The following PARD3B variants were observed in gnomAD, a reference collection of about 807,000 sequenced individuals.
The protein encoded by PARD3B is partitioning defective 3 homolog B.
In PARD3B, 103 loss-of-function variants were observed where a neutral mutation model predicts 130.2. That is an observed-to-expected ratio of 0.79 (90% confidence interval 0.67 to 0.93). The LOEUF is 0.93. Ranked by LOEUF, PARD3B falls within the 40% of genes least tolerant of loss-of-function variation. PARD3B has a pLI of 0.00. For missense variants in PARD3B, 1,609 were observed against 1,499.2 expected (o/e 1.07, Z -1.21); for synonymous variants, 583 against 553.2 (o/e 1.05, Z -0.76).
rs889365552 is a variant in PARD3B, at chr2:205,440,697, T to C, written c.3044+25T>C. ...GGTAATAAACTTAGTGAAAGATAAA[T>C]GTAGCTTTAATTCAGTATGTTTCAA... On this transcript the variant is annotated intron_variant, in intron 20 of 22. Coordinates refer to ENST00000406610, the MANE Select transcript of PARD3B (RefSeq NM_001302769.2). The surrounding 1 kb of genome is among the most constrained non-coding windows in gnomAD (Gnocchi z 4.2). 1.3e-6 allele frequency: 2 copies of C among 1,585,228 alleles called. No homozygotes were observed. Among genetic ancestry groups the C allele is most frequent in the Non-Finnish European group, 1.7e-6 (2 of 1,155,240 alleles).
chr2:204,954,868 A>G (rs186284543), intron 2 of PARD3B, among the ~76,000 whole-genome samples: 6 of 152,324 alleles, frequency 3.9e-5, no homozygotes, highest in Admixed American at 3.3e-4. Context: ...CTATCAACCT[A>G]TCAGTTCTTT....
chr2:205,570,386 C>A (rs1442712428), intron 22 of PARD3B, among the ~76,000 whole-genome samples: 2 of 152,162 alleles, frequency 1.3e-5, no homozygotes, highest in Non-Finnish European at 2.9e-5. Context: ...ATTTTCTTCA[C>A]AGAATAGCAA....
chr2:205,478,194 T>C (rs957181897), intron 20 of PARD3B, among the ~76,000 whole-genome samples: 1 of 152,206 alleles, frequency 6.6e-6, no homozygotes, highest in Non-Finnish European at 1.5e-5. Context: ...GAGTAAAGCC[T>C]TGAAGTAAAC....
At chr2:205,340,240 T>TA (rs1209674994) in intron 18 of PARD3B, among the ~76,000 whole-genome samples, 2 of 151,880 alleles carry the variant, frequency 1.3e-5, no homozygotes, top group Non-Finnish European at 2.9e-5. Flanking sequence ...AAGGTATAAA[T>TA]GAAATAGAAA....
At chr2:204,835,148 C>T (rs6435255) in intron 2 of PARD3B, among the ~76,000 whole-genome samples, 28,251 of 152,142 alleles carry the variant, frequency 0.19, 4,472 homozygotes, top group African/African-American at 0.43. Flanking sequence ...ATGTATATAT[C>T]TGTCTCTAAG....
At chr2:205,063,926 A>T (rs1700204751) in intron 4 of PARD3B, among the ~76,000 whole-genome samples, 1 of 137,406 alleles carries the variant, frequency 7.3e-6, no homozygotes, top group African/African-American at 2.7e-5. Context: ...AGATGCTTGG[A>T]AATAAAAAAA....
At chr2:204,741,362 T>A (rs1292401880) in intron 2 of PARD3B, among the ~76,000 whole-genome samples, 1 of 152,180 alleles carries the variant, frequency 6.6e-6, no homozygotes, top group Non-Finnish European at 1.5e-5. Flanking sequence ...TCTTTGTTTT[T>A]TTCTATGATA....
At chr2:204,774,163 C>T (rs528671007) in intron 2 of PARD3B, among the ~76,000 whole-genome samples, 105 of 152,004 alleles carry the variant, frequency 6.9e-4, no homozygotes, top group African/African-American at 2.4e-3. Flanking sequence ...CCCTCAATGA[C>T]CCTGTCTCAA....
chr2:204,741,911 T>G (rs2125365006), intron 2 of PARD3B, among the ~76,000 whole-genome samples: 1 of 152,204 alleles, frequency 6.6e-6, no homozygotes, highest in Non-Finnish European at 1.5e-5. Flanking sequence ...TAGGATTAAG[T>G]GATGCTGACA....
intron 16 of PARD3B, among the ~76,000 whole-genome samples, chr2:205,278,346 G>T (rs79752860): frequency 2.6e-5 from 4 of 152,162 alleles, no homozygotes; most frequent in African/African-American, 9.7e-5. Context: ...GATGATTTCA[G>T]TGAATAGATT....
At chr2:204,753,823 A>G (rs1448937398) in intron 2 of PARD3B, among the ~76,000 whole-genome samples, 2 of 152,082 alleles carry the variant, frequency 1.3e-5, no homozygotes, top group African/African-American at 4.8e-5. Context: ...GAGGCTGAAG[A>G]AGGAGGATTG....
chr2:205,160,266 G>A lies in PARD3B; in HGVS notation c.1620+1359G>A, dbSNP rs955151517. On this transcript the variant is annotated intron_variant, in intron 11 of 22. Transcript: ENST00000406610. The surrounding 1 kb of genome is among the most constrained non-coding windows in gnomAD (Gnocchi z 4.0). ...TTTTCTCATAGCTCTGTGTGGGGGA[G>A]CTGGGGTTTGGGTAGGATTCTGATT... Among the ~76,000 whole-genome samples the A allele has an allele frequency of 6.6e-6, 1 of 152,196 alleles. No individual in the cohort carries two copies. Among genetic ancestry groups the A allele is most frequent in the African/African-American group, 2.4e-5 (1 of 41,438 alleles).
At chr2:205,022,862 A>G (rs1382971984) in intron 3 of PARD3B, among the ~76,000 whole-genome samples, 2 of 152,200 alleles carry the variant, frequency 1.3e-5, no homozygotes, top group African/African-American at 2.4e-5. Flanking sequence ...CATGCAAGGC[A>G]TCCTTCTACA....
intron 3 of PARD3B, among the ~76,000 whole-genome samples, chr2:205,013,062 T>C (rs1457043752): frequency 6.6e-6 from 1 of 152,250 alleles, no homozygotes; most frequent in African/African-American, 2.4e-5. Flanking sequence ...TGACTTTGAC[T>C]TGCTCACACG....
intron 18 of PARD3B, among the ~76,000 whole-genome samples, chr2:205,327,884 A>G (rs182633022): frequency 2.0e-5 from 3 of 152,354 alleles, no homozygotes; most frequent in Admixed American, 2.0e-4. Flanking sequence ...ATGGAGAGGC[A>G]TAACTCAGAA....
chr2:205,124,286 T>G, intron 8 of PARD3B, 41 bp from the exon 9 acceptor site: 1 of 1,434,662 alleles, frequency 7.0e-7, no homozygotes, highest in South Asian at 1.7e-5. Flanking sequence ...ATATTACTCA[T>G]GCTTAAGATG....
intron 15 of PARD3B, among the ~76,000 whole-genome samples, chr2:205,217,834 ATGTGTGTATATG>A (rs2038007916): frequency 1.1e-5 from 1 of 91,462 alleles, no homozygotes; most frequent in Non-Finnish European, 2.1e-5. Flanking sequence ...GTGTGTATAT[ATGTGTGTATATG>A]TGTGTGTGTG....
intron 21 of PARD3B, among the ~76,000 whole-genome samples, chr2:205,531,411 C>T (rs534703493): frequency 6.6e-5 from 10 of 152,246 alleles, no homozygotes; most frequent in Admixed American, 3.9e-4. Context: ...AAAGAAGAAT[C>T]GCCTGGGCAT....
At chr2:205,184,163 C>T (rs2035962001) in intron 13 of PARD3B, among the ~76,000 whole-genome samples, 1 of 152,100 alleles carries the variant, frequency 6.6e-6, no homozygotes, top group South Asian at 2.1e-4. Flanking sequence ...TAAAAACACC[C>T]TCACAGAAAC....
Sources: allele counts gnomAD v4.1 joint callset (sites outside exome capture counted in the v4.1 genomes callset), GRCh38; gene constraint gnomAD v4.1.1; non-coding constraint Gnocchi (gnomAD v3.1); transcripts MANE v1.5; gene names NCBI Gene and HGNC (gene_info 2026-07-23, HGNC 2026-07-21).